PTPRD: variants seen among roughly 807,000 people sequenced by gnomAD.
PTPRD encodes protein tyrosine phosphatase receptor type D.
A neutral mutation model predicts 214.5 loss-of-function variants in PTPRD; 34 were observed. The ratio of observed to expected loss-of-function variants is 0.16; its 90% CI spans 0.12 to 0.21. The LOEUF (loss-of-function observed/expected upper bound fraction) is 0.21, where lower values mean the gene tolerates loss of function less well. Among genes scored for constraint, PTPRD ranks in the 10% least tolerant of loss-of-function variants. The probability of loss-of-function intolerance (pLI) is 1.00; values close to 1 mark genes in which losing one functional copy is unlikely to be tolerated. For missense variants in PTPRD, 2,545 were observed against 2,398.7 expected, an observed-to-expected ratio of 1.06 and a Z score of -1.27; for synonymous variants, 1,128 against 845.7, an observed-to-expected ratio of 1.33 and a Z score of -5.79.
intron 7 of PTPRD, among the ~76,000 whole-genome samples, chr9:9,597,850 T>C (rs751574391): frequency 1.4e-4 from 21 of 152,034 alleles, no homozygotes; most frequent in Non-Finnish European, 2.5e-4. Context: ...AGATGTTAAA[T>C]AAAATGGAGT....
At chr9:8,672,843 G>C (rs1171115866) in intron 12 of PTPRD, among the ~76,000 whole-genome samples, 3 of 147,630 alleles carry the variant, frequency 2.0e-5, no homozygotes, top group African/African-American at 7.5e-5. Flanking sequence ...TTTGTACTCT[G>C]TGTGGGGGGG....
chr9:10,554,077 C>T (rs1400738163), intron 2 of PTPRD, among the ~76,000 whole-genome samples: 2 of 152,144 alleles, frequency 1.3e-5, no homozygotes, highest in African/African-American at 2.4e-5. Context: ...TTCTTAATCT[C>T]TTAATCCCAT....
At chr9:8,519,976 C>T (rs1011971752) in intron 20 of PTPRD, among the ~76,000 whole-genome samples, 3 of 152,052 alleles carry the variant, frequency 2.0e-5, no homozygotes, top group African/African-American at 7.2e-5. Flanking sequence ...CAAAGAACTA[C>T]AGAATGATAG....
intron 9 of PTPRD, among the ~76,000 whole-genome samples, chr9:9,357,450 T>C (rs1484932571): frequency 6.6e-6 from 1 of 151,242 alleles, no homozygotes; most frequent in Non-Finnish European, 1.5e-5. Flanking sequence ...AATCATTAGG[T>C]CTGAAATGAG....
intron 3 of PTPRD, among the ~76,000 whole-genome samples, chr9:10,237,768 T>C (rs2099633739): frequency 6.6e-6 from 1 of 151,842 alleles, no homozygotes; most frequent in Non-Finnish European, 1.5e-5. Flanking sequence ...ACACTGTCAT[T>C]AAGGGGAACA....
At chr9:9,390,169 G>A (rs2065301307) in intron 9 of PTPRD, among the ~76,000 whole-genome samples, 1 of 152,120 alleles carries the variant, frequency 6.6e-6, no homozygotes, top group South Asian at 2.1e-4. Flanking sequence ...GGACAGCGGG[G>A]AAGCCGGATT....
At chr9:9,539,515 G>T (rs1289464370) in intron 8 of PTPRD, among the ~76,000 whole-genome samples, 1 of 151,840 alleles carries the variant, frequency 6.6e-6, no homozygotes, top group African/African-American at 2.4e-5. Flanking sequence ...ATTCTTCTTA[G>T]AGTCCTAGTT....
At chr9:8,805,110 A>C (rs1441808573) in intron 11 of PTPRD, among the ~76,000 whole-genome samples, 1 of 152,170 alleles carries the variant, frequency 6.6e-6, no homozygotes, top group African/African-American at 2.4e-5. Flanking sequence ...CCTATACCTC[A>C]CAGATAGTAT....
chr9:9,091,669 T>A (rs2099776171), intron 10 of PTPRD, among the ~76,000 whole-genome samples: 1 of 152,214 alleles, frequency 6.6e-6, no homozygotes, highest in Admixed American at 6.5e-5. Flanking sequence ...CTTGGACATA[T>A]ATCTGCCTGT....
At position 9,950,840 on chromosome 9, in the gene PTPRD, T is replaced by C. The variant is rs569534937; in HGVS notation, c.-471-12230A>G. On this transcript the variant is annotated intron_variant, in intron 4 of 45. Coordinates refer to ENST00000381196, the MANE Select transcript of PTPRD (RefSeq NM_002839.4). ...TTTTATTATTTTCCTCATTTTTCCT[T>C]CCCTCATTCCTATTACATGGGAGTA... Among the ~76,000 whole-genome samples, 181 of 151,866 alleles carry C rather than the reference T, an allele frequency of 1.2e-3. 4 individuals are homozygous for C. The South Asian group carries it at 0.037, about 31-fold the overall frequency.
At chr9:9,077,834 G>A (rs140207189) in intron 10 of PTPRD, among the ~76,000 whole-genome samples, 6 of 152,176 alleles carry the variant, frequency 3.9e-5, no homozygotes, top group East Asian at 1.9e-4. Context: ...ACCTGAGTCA[G>A]TTTTGTATTC....
intron 11 of PTPRD, among the ~76,000 whole-genome samples, chr9:8,994,382 T>G (rs933175974): frequency 6.6e-6 from 1 of 152,170 alleles, no homozygotes; most frequent in African/African-American, 2.4e-5. Flanking sequence ...CCTAGCACAA[T>G]GCTTAGTAAG....
At chr9:8,384,342 C>T (rs1200929156) in intron 37 of PTPRD, among the ~76,000 whole-genome samples, 9 of 152,004 alleles carry the variant, frequency 5.9e-5, no homozygotes, top group Non-Finnish European at 1.2e-4. Flanking sequence ...ACTAGAATGA[C>T]TTGCTACAGA....
intron 2 of PTPRD, among the ~76,000 whole-genome samples, chr9:10,435,821 G>C (rs2098713435): frequency 6.6e-6 from 1 of 151,832 alleles, no homozygotes; most frequent in South Asian, 2.1e-4. Flanking sequence ...ATAAAAATCA[G>C]TCTACTAAAA....
chr9:9,965,447 G>A (rs755239979), intron 4 of PTPRD, among the ~76,000 whole-genome samples: 108 of 152,174 alleles, frequency 7.1e-4, no homozygotes, highest in Non-Finnish European at 1.4e-3. Context: ...GATGGGCTTA[G>A]AGCACTTGTC....
At chr9:10,183,317 T>C (rs2099311598) in intron 3 of PTPRD, among the ~76,000 whole-genome samples, 2 of 151,914 alleles carry the variant, frequency 1.3e-5, no homozygotes, top group Admixed American at 1.3e-4. Flanking sequence ...ATAATAAGAG[T>C]TGTATTGCAT....
chr9:8,791,407 G>C (rs1235779941), intron 11 of PTPRD, among the ~76,000 whole-genome samples: 2 of 151,646 alleles, frequency 1.3e-5, no homozygotes, highest in African/African-American at 2.4e-5. Context: ...TGTATTTTTA[G>C]TAGAGACATG....
intron 35 of PTPRD, among the ~76,000 whole-genome samples, chr9:8,433,003 G>A (rs1052639402): frequency 1.3e-5 from 2 of 152,188 alleles, no homozygotes; most frequent in African/African-American, 4.8e-5. Context: ...TTTACATGTA[G>A]CATTTCTTGA....
intron 7 of PTPRD, among the ~76,000 whole-genome samples, chr9:9,662,333 T>A (rs1285126372): frequency 1.3e-5 from 2 of 151,688 alleles, no homozygotes; most frequent in Non-Finnish European, 3.0e-5. Context: ...CTTAGGTAGT[T>A]AACTTGGAAA....
Sources: gnomAD v4.1 joint callset for allele counts (sites outside exome capture counted in the v4.1 genomes callset) on GRCh38, gnomAD v4.1.1 for gene constraint, MANE v1.5 for transcripts, NCBI Gene and HGNC (gene_info 2026-07-23, HGNC 2026-07-21) for gene names.